Variants in PRKCH observed in about 807,000 individuals in gnomAD.
PRKCH encodes the protein protein kinase C eta type.
PRKCH carries 28 observed loss-of-function variants against 82.5 expected under a neutral mutation model. The ratio of observed to expected loss-of-function variants is 0.34; its 90% CI spans 0.25 to 0.47. The LOEUF is 0.47. Ranked by LOEUF, PRKCH falls within the 20% of genes least tolerant of loss-of-function variation. The pLI is 1.00. For synonymous variants in PRKCH, 322 were observed against 327.4 expected, an observed-to-expected ratio of 0.98 and a Z score of 0.18; for missense variants, 705 against 881.8, an observed-to-expected ratio of 0.80 and a Z score of 2.54.
chr14:61,247,977 C>T (rs1165614785), intron 1 of PRKCH, among the ~76,000 whole-genome samples: 1 of 152,114 alleles, frequency 6.6e-6, no homozygotes, highest in Non-Finnish European at 1.5e-5. Flanking sequence ...CAGGATACTC[C>T]ATCAACTTGG....
intron 1 of PRKCH, among the ~76,000 whole-genome samples, chr14:61,189,986 C>T (rs911886398): frequency 1.3e-5 from 2 of 152,126 alleles, no homozygotes; most frequent in African/African-American, 4.8e-5. Context: ...TGGGACAGCA[C>T]AAGGACTTGT....
intron 1 of PRKCH, among the ~76,000 whole-genome samples, chr14:61,197,524 A>G (rs1232698343): frequency 1.3e-5 from 2 of 152,184 alleles, no homozygotes; most frequent in Non-Finnish European, 2.9e-5. Flanking sequence ...GAGCGGGCTG[A>G]GTGTGCTAGC....
chr14:61,251,718 C>G (rs1352382592), intron 1 of PRKCH, among the ~76,000 whole-genome samples: 1 of 152,184 alleles, frequency 6.6e-6, no homozygotes, highest in Non-Finnish European at 1.5e-5. Flanking sequence ...GGTACATACC[C>G]AGCAGTGGGA....
intron 1 of PRKCH, among the ~76,000 whole-genome samples, chr14:61,386,027 A>T (rs1019533664): frequency 2.0e-5 from 3 of 152,368 alleles, no homozygotes; most frequent in Middle Eastern, 3.4e-3. Context: ...CCAAATCACT[A>T]GGCAATAAGC....
intron 2 of PRKCH, among the ~76,000 whole-genome samples, chr14:61,434,469 G>A (rs1056874667): frequency 6.6e-6 from 1 of 152,108 alleles, no homozygotes; most frequent in African/African-American, 2.4e-5. Flanking sequence ...CACCAAAAAG[G>A]AAGAAAGAAG....
chr14:61,449,345 CCT>C (rs1172797759), intron 5 of PRKCH, 93 bp downstream of exon 5: 6 of 1,073,838 alleles, frequency 5.6e-6, no homozygotes, highest in African/African-American at 3.2e-5. Flanking sequence ...CTTTCCTCCC[CCT>C]CTTTTCCTTC....
chr14:61,324,296 T>C (rs2045667566), intron 1 of PRKCH, among the ~76,000 whole-genome samples: 1 of 152,242 alleles, frequency 6.6e-6, no homozygotes, highest in Non-Finnish European at 1.5e-5. Context: ...GATATCGATA[T>C]TTATAATGGT....
chr14:61,413,403 G>C (rs76336112), intron 2 of PRKCH, among the ~76,000 whole-genome samples: 31 of 40,926 alleles, frequency 7.6e-4, no homozygotes, highest in Admixed American at 1.7e-3. Flanking sequence ...CTTTTTAAGC[G>C]CCCCCCCCCC....
chr14:61,290,715 T>G (rs1461532057), intron 1 of PRKCH, among the ~76,000 whole-genome samples: 1 of 152,196 alleles, frequency 6.6e-6, no homozygotes, highest in East Asian at 1.9e-4. Context: ...CACATAATCC[T>G]CTGCAAATAT....
chr14:61,470,547 G>C (rs1885455808), intron 9 of PRKCH, among the ~76,000 whole-genome samples: 2 of 151,928 alleles, frequency 1.3e-5, no homozygotes, highest in Non-Finnish European at 2.9e-5. Flanking sequence ...CCCCTTTTTT[G>C]CTGGAGGGCT....
At chr14:61,487,929 G>A (rs1043742556) in intron 10 of PRKCH, among the ~76,000 whole-genome samples, 13 of 152,110 alleles carry the variant, frequency 8.5e-5, no homozygotes, top group East Asian at 7.7e-4. Context: ...CGAGGCGGGC[G>A]GATCACGAGG....
At chr14:61,523,915 G>C (rs2253026) in intron 10 of PRKCH, among the ~76,000 whole-genome samples, 9 of 152,140 alleles carry the variant, frequency 5.9e-5, no homozygotes, top group African/African-American at 2.2e-4. Flanking sequence ...GGAGGGAGTC[G>C]ATGTAGCGAG....
rs202153655 is a variant in PRKCH at position 61,247,735 on chromosome 14, CA to C, written c.-19+60090del. Among the ~76,000 whole-genome samples, 254 of 52,696 alleles carry C rather than the reference CA, an allele frequency of 4.8e-3. 1 individual carries two copies. Among genetic ancestry groups the C allele is most frequent in the African/African-American group, 0.019 (238 of 12,574 alleles). 34.6% of individuals were successfully genotyped at this position (52,696 alleles called of 152,430 possible). On this transcript the variant is annotated intron_variant, in intron 1 of 3. Transcript: ENST00000555185. Reference sequence around the variant, plus strand: ...TGAGAGACAGAGTGAGACTCCATCTCAAAAAAAAAAAAAAAAAAAAAAAGAA... The same window carrying C: ...TGAGAGACAGAGTGAGACTCCATCTCAAAAAAAAAAAAAAAAAAAAAAGAA...
intron 6 of PRKCH, 45 bp downstream of exon 6, chr14:61,451,016 T>C (rs1453139382): frequency 3.1e-6 from 5 of 1,601,424 alleles, no homozygotes. Context: ...ATGGGAACAC[T>C]ATGCCCTAAG....
intron 9 of PRKCH, among the ~76,000 whole-genome samples, chr14:61,481,014 C>T (rs1885947233): frequency 6.6e-6 from 1 of 151,972 alleles, no homozygotes; most frequent in African/African-American, 2.4e-5. Context: ...CCCCACCTGC[C>T]AAATTCCACC....
chr14:61,390,674 C>CA (rs950864010), intron 1 of PRKCH: 50 of 149,506 alleles, frequency 3.3e-4, no homozygotes, highest in African/African-American at 6.1e-4. Flanking sequence ...CTCTCTCTCT[C>CA]AAAAAAAAAA....
At chr14:61,457,410 C>T in intron 8 of PRKCH, 91 bp downstream of exon 8, 1 of 1,586,224 alleles carries the variant, frequency 6.3e-7, no homozygotes, top group Non-Finnish European at 8.6e-7. Context: ...CACATACTCA[C>T]ATTTCTCATG....
At chr14:61,351,187 G>A (rs2046069242) in intron 1 of PRKCH, among the ~76,000 whole-genome samples, 1 of 152,172 alleles carries the variant, frequency 6.6e-6, no homozygotes, top group Non-Finnish European at 1.5e-5. Flanking sequence ...TAGTTGATTG[G>A]GCCATAGCAT....
At chr14:61,538,355 T>G (rs1249234326) in intron 12 of PRKCH, among the ~76,000 whole-genome samples, 1 of 152,192 alleles carries the variant, frequency 6.6e-6, no homozygotes, top group East Asian at 1.9e-4. Context: ...AAGGAACCGT[T>G]TGCTCACAGA....
Sources: allele counts gnomAD v4.1 joint callset (sites outside exome capture counted in the v4.1 genomes callset), GRCh38; gene constraint gnomAD v4.1.1; transcripts MANE v1.5; gene names NCBI Gene and HGNC (gene_info 2026-07-23, HGNC 2026-07-21).